The following HSD17B4 variants were observed in gnomAD, a reference collection of about 807,000 sequenced individuals.
HSD17B4 encodes peroxisomal multifunctional enzyme type 2.
HSD17B4 carries 70 observed loss-of-function variants against 101.0 expected under a neutral mutation model. The observed-to-expected ratio is 0.69, with a 90% CI of 0.57 to 0.85. HSD17B4 has a LOEUF of 0.85. HSD17B4 is among the 40% of genes least tolerant of loss of function. The pLI, the probability that HSD17B4 is intolerant of heterozygous loss-of-function variation, is 0.00. For synonymous variants in HSD17B4, 347 were observed against 297.1 expected (o/e 1.17, Z -1.73); for missense variants, 984 against 892.4 (o/e 1.10, Z -1.31).
chr5:119,487,900 C>T (rs1337480119), intron 8 of HSD17B4, among the ~76,000 whole-genome samples: 1 of 151,992 alleles, frequency 6.6e-6, no homozygotes, highest in African/African-American at 2.4e-5. Flanking sequence ...GTTTTTTCCT[C>T]GTGCATATAA....
chr5:119,485,780 C>G (rs189821349), intron 8 of HSD17B4, among the ~76,000 whole-genome samples: 4 of 152,046 alleles, frequency 2.6e-5, no homozygotes, highest in African/African-American at 7.2e-5. Flanking sequence ...AAAATAAAAC[C>G]CTATAATGAG....
intron 14 of HSD17B4, among the ~76,000 whole-genome samples, chr5:119,505,373 A>T (rs571066983): frequency 1.2e-4 from 18 of 152,064 alleles, no homozygotes; most frequent in African/African-American, 4.1e-4. Context: ...CTTCCAACCC[A>T]TGAGTATGGA....
intron 2 of HSD17B4, among the ~76,000 whole-genome samples, chr5:119,467,379 G>A (rs1755914263): frequency 6.6e-6 from 1 of 152,204 alleles, no homozygotes; most frequent in Admixed American, 6.5e-5. Flanking sequence ...CCAATGCCAT[G>A]AGTGAGGTAT....
chr5:119,466,391 A>C (rs1185600652), intron 2 of HSD17B4, among the ~76,000 whole-genome samples: 1 of 152,170 alleles, frequency 6.6e-6, no homozygotes, highest in Non-Finnish European at 1.5e-5. Flanking sequence ...AATTTGTATT[A>C]GTTCTTTAAA....
chr5:119,454,252 C>T (rs1456314263), intron 1 of HSD17B4, among the ~76,000 whole-genome samples: 1 of 152,126 alleles, frequency 6.6e-6, no homozygotes, highest in East Asian at 1.9e-4. Flanking sequence ...ATGAACTTAG[C>T]ACCTGCTGTT....
intron 2 of HSD17B4, chr5:119,471,626 A>G (rs775728663): frequency 1.2e-5 from 15 of 1,263,298 alleles, no homozygotes; most frequent in Non-Finnish European, 1.6e-5. Context: ...TAACTTTTTT[A>G]TTGTTACAGC....
chr5:119,475,623 G>A, intron 4 of HSD17B4, 83 bp from the exon 5 acceptor site: 1 of 1,144,268 alleles, frequency 8.7e-7, no homozygotes, highest in Middle Eastern at 2.8e-4. Context: ...AAAAACGCCA[G>A]TTTTGAGAGA....
At chr5:119,503,283 C>G (rs57592998) in intron 14 of HSD17B4, among the ~76,000 whole-genome samples, 1 of 151,792 alleles carries the variant, frequency 6.6e-6, no homozygotes, top group African/African-American at 2.4e-5. Flanking sequence ...TTTTAAAATA[C>G]GAAAAGAGAG....
At chr5:119,473,764 A>G in intron 2 of HSD17B4, 144 bp from the exon 3 acceptor site, 1 of 688,274 alleles carries the variant, frequency 1.5e-6, no homozygotes, top group Non-Finnish European at 2.7e-6. Context: ...TGTTGTGTTT[A>G]GTAAGATGGG....
At chr5:119,472,132 C>T (rs968875760) in intron 2 of HSD17B4, among the ~76,000 whole-genome samples, 1 of 152,120 alleles carries the variant, frequency 6.6e-6, no homozygotes, top group African/African-American at 2.4e-5. Flanking sequence ...TTTTTGACCT[C>T]TTTTGAGAAA....
At position 119,502,048 on chromosome 5, in the gene HSD17B4, A is replaced by G. The variant is rs745847164; in HGVS notation, c.1217A>G (p.His406Arg). The change falls in exon 14 of 24, where the codon CAT becomes CGT. Residue 406 changes from histidine to arginine, a missense_variant. Physicochemically the swap from His to Arg is conservative, Grantham distance 29. Transcript: ENST00000510025. The stretch of plus-strand genomic sequence containing the variant: ...TTGTTTACCCTAACATAGGTTCTTC[A>G]TGGAGAGCAGTACTTAGAGTTATAT... ...GLSINFAKVL[H>R]GEQYLELYKP... 2 of 1,604,758 alleles carry G rather than the reference A, an allele frequency of 1.2e-6. No individual in the cohort carries two copies. The highest frequency in any genetic ancestry group is 1.7e-6 in the Non-Finnish European group (2 of 1,171,596).
chr5:119,526,003 T>C lies in HSD17B4; in HGVS notation c.1660T>C (p.Ser554Pro), dbSNP rs199659543. 52 of 1,594,746 alleles carry C rather than the reference T, an allele frequency of 3.3e-5. No individual in the cohort carries two copies. Among genetic ancestry groups the C allele is most frequent in the Admixed American group, 3.0e-4 (18 of 59,888 alleles). The change falls in exon 19 of 24, where the codon TCA (serine) becomes CCA (proline). Residue 554 changes from serine to proline, a missense_variant. Ser to Pro is a moderately conservative substitution (Grantham distance 74, BLOSUM62 -1). Coordinates refer to ENST00000510025, the MANE Select transcript of HSD17B4 (RefSeq NM_000414.4). ...VLQQFADNDV[S>P]RFKAIKARFA... ...ACAGCAGTTTGCAGATAATGATGTG[T>C]CAAGATTCAAGGCAATTAAGGTAAA...
chr5:119,494,326 TTTC>T (rs1750411032), intron 11 of HSD17B4, among the ~76,000 whole-genome samples: 2 of 24,312 alleles, frequency 8.2e-5, no homozygotes, highest in African/African-American at 3.4e-4. Flanking sequence ...CTTTCTTTCT[TTTC>T]TTTCTTTCTT....
chr5:119,531,337 G>A lies in HSD17B4; in HGVS notation c.1926G>A (p.Val642=). Residue 642 remains valine, a synonymous_variant, in exon 22 of 24, where the codon GTG becomes GTA. Coordinates refer to ENST00000510025, the MANE Select transcript of HSD17B4 (RefSeq NM_000414.4). ...GCCTAAAGGATATTGGGCCTGAGGT[G>A]GTGAAGAAAGTAAATGCTGTATTTG... ...GRRLKDIGPE[V]VKKVNAVFEW... 6.2e-7 allele frequency: 1 copy of A among 1,613,484 alleles called. No individual in the cohort carries two copies. The highest frequency in any genetic ancestry group is 8.5e-7 in the Non-Finnish European group (1 of 1,179,560).
At chr5:119,540,769 G>T (rs570065638) in intron 23 of HSD17B4, among the ~76,000 whole-genome samples, 14 of 152,298 alleles carry the variant, frequency 9.2e-5, no homozygotes, top group African/African-American at 3.4e-4. Context: ...TCGTTAACAA[G>T]TATTGTTAAC....
In HSD17B4 at chr5:119,525,241, A is replaced by G. The variant is rs1753475092; in HGVS notation, c.1529A>G (p.Asp510Gly). 6.2e-7 allele frequency: 1 copy of G among 1,612,278 alleles called. No individual in the cohort carries two copies. Among genetic ancestry groups the G allele is most frequent in the Non-Finnish European group, 8.5e-7 (1 of 1,178,752 alleles). The part of the protein sequence containing the change: ...NQAALYRLSG[D>G]WNPLHIDPNF... ...GCTGCTTTGTACCGCCTCAGTGGAGACTGGAATCCCTTACACATTGATCCT... is the reference window on the plus strand; with the variant it reads ...GCTGCTTTGTACCGCCTCAGTGGAGGCTGGAATCCCTTACACATTGATCCT... The change falls in exon 18 of 24, where the codon GAC becomes GGC. Residue 510 changes from aspartate (D) to glycine (G), a missense_variant. Transcript: ENST00000510025.
intron 4 of HSD17B4, among the ~76,000 whole-genome samples, chr5:119,475,395 G>T (rs192618135): frequency 1.9e-4 from 29 of 152,200 alleles, no homozygotes; most frequent in African/African-American, 6.5e-4. Context: ...TTATGGTTCT[G>T]ATTCCTTAGA....
chr5:119,542,096 G>A lies in HSD17B4; in HGVS notation c.*102G>A. On this transcript the variant is annotated 3_prime_UTR_variant, in exon 24 of 24. Transcript: ENST00000510025. ...AAGTGATTAGAACTAAGATGCAGGG[G>A]AAATTGCTTAACATTTTCAGATATC... 1.3e-6 allele frequency: 1 copy of A among 783,810 alleles called. No homozygotes were observed. The highest frequency in any genetic ancestry group is 2.2e-6 in the Non-Finnish European group (1 of 448,712). 48.6% of individuals were successfully genotyped at this position (783,810 alleles called of 1,614,324 possible). A position where few individuals can be genotyped will look rare whatever the true frequency, so the allele number is the denominator to read the frequency against.
At chr5:119,522,636 T>C (rs760369312) in intron 17 of HSD17B4, among the ~76,000 whole-genome samples, 11 of 152,194 alleles carry the variant, frequency 7.2e-5, no homozygotes, top group Admixed American at 2.0e-4. Flanking sequence ...ATGCAATTTC[T>C]TTAGTGGGTG....
Sources: gnomAD v4.1 joint callset for allele counts (sites outside exome capture counted in the v4.1 genomes callset) on GRCh38, gnomAD v4.1.1 for gene constraint, MANE v1.5 for transcripts, NCBI Gene and HGNC (gene_info 2026-07-23, HGNC 2026-07-21) for gene names.